Variants in ADGRL3 observed in about 807,000 individuals in gnomAD.
The protein encoded by ADGRL3 is calcium-independent alpha-latrotoxin receptor 3.
Under a neutral mutation model 153.5 loss-of-function variants are expected in ADGRL3, and 62 were observed. That is an observed-to-expected ratio of 0.40 (90% confidence interval 0.33 to 0.50). ADGRL3 has a LOEUF of 0.50. ADGRL3 is among the 20% of genes least tolerant of loss of function. The pLI, the probability that ADGRL3 is intolerant of heterozygous loss-of-function variation, is 0.47. For missense variants in ADGRL3, 1,641 were observed against 1,859.4 expected (o/e 0.88, Z 2.16); for synonymous variants, 710 against 672.5 (o/e 1.06, Z -0.86).
At chr4:61,758,932 C>T (rs1277654764) in intron 8 of ADGRL3, among the ~76,000 whole-genome samples, 1 of 152,126 alleles carries the variant, frequency 6.6e-6, no homozygotes, top group Non-Finnish European at 1.5e-5. Context: ...TTCTCCTTCA[C>T]TTATGAAGCT....
At chr4:61,559,093 A>T (rs2098782851) in intron 4 of ADGRL3, among the ~76,000 whole-genome samples, 1 of 152,122 alleles carries the variant, frequency 6.6e-6, no homozygotes, top group African/African-American at 2.4e-5. Flanking sequence ...TTGCAGGATG[A>T]TAATTATCAT....
intron 1 of ADGRL3, among the ~76,000 whole-genome samples, chr4:61,261,457 G>A (rs2149596732): frequency 6.6e-6 from 1 of 152,082 alleles, no homozygotes; most frequent in East Asian, 1.9e-4. Context: ...TGGTATCTGG[G>A]ACTTTTTGGA....
chr4:61,573,402 T>A (rs2098847101), intron 4 of ADGRL3, among the ~76,000 whole-genome samples: 1 of 151,956 alleles, frequency 6.6e-6, no homozygotes, highest in Non-Finnish European at 1.5e-5. Context: ...ATTTTCCATC[T>A]TTCAAATGCT....
chr4:61,642,218 T>G (rs540158269), intron 5 of ADGRL3, among the ~76,000 whole-genome samples: 2 of 151,868 alleles, frequency 1.3e-5, no homozygotes, highest in South Asian at 2.1e-4. Flanking sequence ...TTGCGAAAAT[T>G]TTCTCCCATT....
chr4:62,060,098 C>T (rs1739257585), intron 25 of ADGRL3, among the ~76,000 whole-genome samples: 1 of 151,860 alleles, frequency 6.6e-6, no homozygotes, highest in South Asian at 2.1e-4. Flanking sequence ...GAATGATAAA[C>T]ACAGAAACCA....
intron 3 of ADGRL3, among the ~76,000 whole-genome samples, chr4:61,512,590 A>G (rs1379013816): frequency 6.6e-6 from 1 of 152,166 alleles, no homozygotes; most frequent in Non-Finnish European, 1.5e-5. Context: ...GGAAGACAGC[A>G]ATACTGTGTT....
At chr4:61,881,105 T>G (rs544490201) in intron 9 of ADGRL3, among the ~76,000 whole-genome samples, 1 of 152,306 alleles carries the variant, frequency 6.6e-6, no homozygotes, top group Non-Finnish European at 1.5e-5. Flanking sequence ...TATTTTGAGA[T>G]ACGGTACTTG....
intron 4 of ADGRL3, among the ~76,000 whole-genome samples, chr4:61,546,020 A>G (rs926104712): frequency 2.6e-5 from 4 of 152,194 alleles, no homozygotes; most frequent in Admixed American, 1.3e-4. Context: ...CTTCCAAATC[A>G]TCATCCTCAT....
At chr4:61,620,060 A>AATAT (rs111660681) in intron 5 of ADGRL3, among the ~76,000 whole-genome samples, 11 of 148,072 alleles carry the variant, frequency 7.4e-5, no homozygotes, top group South Asian at 4.3e-4. Flanking sequence ...TATCTTTAGA[A>AATAT]ATATATATAT....
At chr4:61,464,174 G>C (rs988479980) in intron 2 of ADGRL3, among the ~76,000 whole-genome samples, 1 of 152,152 alleles carries the variant, frequency 6.6e-6, no homozygotes, top group Non-Finnish European at 1.5e-5. Context: ...GCCTATAAAA[G>C]CTCACATAGC....
intron 17 of ADGRL3, among the ~76,000 whole-genome samples, chr4:61,979,337 C>T (rs1444939739): frequency 6.6e-6 from 1 of 152,134 alleles, no homozygotes; most frequent in African/African-American, 2.4e-5. Context: ...AAGAAGCAAA[C>T]GCTATTGGCG....
In ADGRL3 at chr4:61,220,147, A is replaced by G. The variant is rs181227365; in HGVS notation, c.-240+18382A>G. 1.6e-3 allele frequency among the ~76,000 whole-genome samples: 244 copies of G among 152,064 alleles called. 1 individual carries two copies. The highest frequency in any genetic ancestry group is 5.7e-3 in the African/African-American group (236 of 41,526). ...AAAAAAAAGAAAAGAAAAAGAAAAT[A>G]CAAAGTCATCCATGGCTGGAACTTC... On this transcript the variant is annotated intron_variant, in intron 1 of 26. Coordinates refer to ENST00000683033, the MANE Select transcript of ADGRL3 (RefSeq NM_001387552.1).
chr4:61,239,703 T>C lies in ADGRL3; in HGVS notation c.-240+37938T>C, dbSNP rs147160683. On this transcript the variant is annotated intron_variant, in intron 1 of 26. Coordinates refer to ENST00000683033, the MANE Select transcript of ADGRL3 (RefSeq NM_001387552.1). ...AGCTGGAAATATAATGCTTTATTTC[T>C]ATGAGAGTTTAAGTGGTGCTTGAAT... Among the ~76,000 whole-genome samples the C allele has an allele frequency of 3.6e-3, 545 of 152,240 alleles. 1 individual carries two copies. Among genetic ancestry groups the C allele is most frequent in the Non-Finnish European group, 5.7e-3 (385 of 68,004 alleles).
At chr4:61,413,630 C>T (rs1361095196) in intron 2 of ADGRL3, among the ~76,000 whole-genome samples, 1 of 152,088 alleles carries the variant, frequency 6.6e-6, no homozygotes, top group Non-Finnish European at 1.5e-5. Flanking sequence ...ACTACATTGC[C>T]CCTTTCCTGG....
At chr4:61,749,264 A>C (rs1354222033) in intron 8 of ADGRL3, among the ~76,000 whole-genome samples, 1 of 151,706 alleles carries the variant, frequency 6.6e-6, no homozygotes, top group African/African-American at 2.4e-5. Context: ...TGTTGGTGGG[A>C]CTGTAAACTA....
chr4:61,706,125 A>G (rs756643958), intron 6 of ADGRL3, among the ~76,000 whole-genome samples: 1 of 152,148 alleles, frequency 6.6e-6, no homozygotes, highest in Non-Finnish European at 1.5e-5. Flanking sequence ...TCTACTTCCA[A>G]TAAAAGGCTG....
chr4:61,209,988 A>G (rs1022613080), intron 1 of ADGRL3, among the ~76,000 whole-genome samples: 4 of 152,198 alleles, frequency 2.6e-5, no homozygotes, highest in Admixed American at 2.0e-4. Flanking sequence ...AATGAGATAA[A>G]CCTATAAAAT....
intron 15 of ADGRL3, 74 bp downstream of exon 15, chr4:61,936,119 T>C: frequency 6.6e-7 from 1 of 1,526,340 alleles, no homozygotes; most frequent in Non-Finnish European, 9.0e-7. Flanking sequence ...GCCGGGAATA[T>C]TAGGTCCACT....
chr4:61,924,503 G>A (rs940164708), intron 13 of ADGRL3, among the ~76,000 whole-genome samples: 1 of 152,108 alleles, frequency 6.6e-6, no homozygotes, highest in African/African-American at 2.4e-5. Flanking sequence ...TCACTTTGTT[G>A]TTTAATAAAC....
Sources: allele counts gnomAD v4.1 joint callset (sites outside exome capture counted in the v4.1 genomes callset), GRCh38; gene constraint gnomAD v4.1.1; transcripts MANE v1.5; gene names NCBI Gene and HGNC (gene_info 2026-07-23, HGNC 2026-07-21).